Variants in NGEF observed in about 807,000 individuals in gnomAD.
The protein encoded by NGEF is ephexin-1.
NGEF carries 31 observed loss-of-function variants against 80.9 expected under a neutral mutation model. The ratio of observed to expected loss-of-function variants is 0.38; its 90% CI spans 0.29 to 0.52. The LOEUF (loss-of-function observed/expected upper bound fraction) is 0.52. Among genes scored for constraint, NGEF ranks in the 20% least tolerant of loss-of-function variants. NGEF has a pLI of 0.84. For missense variants in NGEF, 709 were observed against 926.2 expected, an observed-to-expected ratio of 0.77 and a Z score of 3.04; for synonymous variants, 371 against 370.2, an observed-to-expected ratio of 1.00 and a Z score of -0.03.
At chr2:232,968,685 A>C (rs1248376638) in intron 3 of NGEF, among the ~76,000 whole-genome samples, 3 of 151,450 alleles carry the variant, frequency 2.0e-5, no homozygotes, top group Admixed American at 6.6e-5. Context: ...GATTATAGGC[A>C]TGAGCCACTG....
At chr2:232,959,270 TC>T (rs1693896006) in intron 3 of NGEF, among the ~76,000 whole-genome samples, 1 of 145,294 alleles carries the variant, frequency 6.9e-6, no homozygotes, top group Non-Finnish European at 1.5e-5. Flanking sequence ...TGTTCCTCTC[TC>T]CCCGGTGTTT....
At chr2:232,944,726 A>AAT (rs57851903) in intron 3 of NGEF, among the ~76,000 whole-genome samples, 2,056 of 108,406 alleles carry the variant, frequency 0.019, 46 homozygotes, top group Admixed American at 0.036. Context: ...GACTTTTCCG[A>AAT]ATATATATAT....
Position 232,883,438 on chromosome 2 carries a change from G to A in NGEF, c.1630C>T (p.Pro544Ser), listed in dbSNP as rs1296559031. The change falls in exon 12 of 15, where the codon CCG (proline) becomes TCG (serine). Residue 544 changes from proline to serine, a missense_variant. Physicochemically the swap from Pro to Ser is moderately conservative, Grantham distance 74. Transcript: ENST00000264051. ...TCCTCCACACGCAGCAGTCCCCGCG[G>A]AGCTGAGTCAAATACCTGGTACTTG... Reference protein sequence around the residue: ...GDKYQVFDSAPRGLLRVEELE... With the variant: ...GDKYQVFDSASRGLLRVEELE... The A allele has an allele frequency of 6.2e-6, 10 of 1,607,192 alleles. No homozygotes were observed. The highest frequency in any genetic ancestry group is 8.5e-6 in the Non-Finnish European group (10 of 1,177,060).
rs546468122 is a variant in NGEF, at chr2:232,990,411, A to C, written c.-74-15447T>G. Among the ~76,000 whole-genome samples, 229 of 152,232 alleles carry C rather than the reference A, an allele frequency of 1.5e-3. 2 individuals are homozygous for C. Among genetic ancestry groups the C allele is most frequent in the Non-Finnish European group, 2.7e-3 (186 of 67,970 alleles). ...GCATGAGTTTTTCTTGGATGGGAAA[A>C]TGGAATATTAAAAATATATCAGTTA... On this transcript the variant is annotated intron_variant, in intron 1 of 14. Transcript: ENST00000264051.
chr2:232,880,882 C>G (rs1691479432), intron 14 of NGEF, among the ~76,000 whole-genome samples: 1 of 151,878 alleles, frequency 6.6e-6, no homozygotes, highest in Admixed American at 6.6e-5. Context: ...CCCGCTTGGG[C>G]TGGGCCCACT....
intron 3 of NGEF, among the ~76,000 whole-genome samples, chr2:232,959,160 C>T (rs975856903): frequency 6.6e-6 from 1 of 152,108 alleles, no homozygotes; most frequent in Non-Finnish European, 1.5e-5. Flanking sequence ...TAATTGCTTC[C>T]TTTCTTTCTT....
intron 5 of NGEF, chr2:232,905,671 G>C (rs1043464000): frequency 5.1e-5 from 19 of 375,808 alleles, no homozygotes; most frequent in African/African-American, 8.9e-5. Context: ...GCCTCTTCCC[G>C]GCCGCCATCC....
intron 1 of NGEF, among the ~76,000 whole-genome samples, chr2:233,006,060 G>T (rs13409695): frequency 2.0e-5 from 3 of 152,098 alleles, no homozygotes; most frequent in Admixed American, 6.5e-5. Context: ...CAAGTGATCC[G>T]CCCACCTTGG....
rs1430948656 is a variant in NGEF at position 232,879,200 on chromosome 2, C to G, written c.*289G>C. On this transcript the variant is annotated 3_prime_UTR_variant, in exon 15 of 15. Coordinates refer to ENST00000264051, the MANE Select transcript of NGEF (RefSeq NM_019850.3). ...GGGGCATGGGGGGCCCTGGAGTGTG[C>G]CCACCCCCTTCCACCCCCTCGGAGG... The G allele has an allele frequency of 3.1e-6, 1 of 327,014 alleles. No homozygotes were observed. Among genetic ancestry groups the G allele is most frequent in the East Asian group, 5.2e-5 (1 of 19,202 alleles). The allele number at this position is 327,014 out of a possible 1,614,324, so 20.3% of individuals were successfully genotyped here. A position where few individuals can be genotyped will look rare whatever the true frequency, so the allele number is the denominator to read the frequency against.
At chr2:232,888,313 C>T (rs916304694) in intron 8 of NGEF, among the ~76,000 whole-genome samples, 1 of 151,662 alleles carries the variant, frequency 6.6e-6, no homozygotes, top group African/African-American at 2.4e-5. Flanking sequence ...TACATGCTCG[C>T]ACACACATGC....
chr2:232,940,424 G>A (rs1693414377), intron 3 of NGEF, among the ~76,000 whole-genome samples: 1 of 152,108 alleles, frequency 6.6e-6, no homozygotes, highest in African/African-American at 2.4e-5. Flanking sequence ...CCTTTCAGAG[G>A]GCAGTCTGAC....
At chr2:232,944,339 G>A (rs1693505209) in intron 3 of NGEF, among the ~76,000 whole-genome samples, 1 of 152,188 alleles carries the variant, frequency 6.6e-6, no homozygotes, top group African/African-American at 2.4e-5. Flanking sequence ...CACACACTCT[G>A]AAATAAGAAA....
chr2:232,970,879 G>C (rs969565582), intron 2 of NGEF, among the ~76,000 whole-genome samples: 5 of 152,020 alleles, frequency 3.3e-5, no homozygotes, highest in African/African-American at 1.2e-4. Flanking sequence ...GTAGTCAGTG[G>C]AAAAAAAGAT....
Position 232,878,821 on chromosome 2 carries a change from G to A in NGEF, c.*668C>T, listed in dbSNP as rs1691380615. 1 of 152,628 alleles carries A rather than the reference G, an allele frequency of 6.6e-6. No individual in the cohort carries two copies. Among genetic ancestry groups the A allele is most frequent in the Admixed American group, 6.5e-5 (1 of 15,288 alleles). 9.5% of individuals were successfully genotyped at this position (152,628 alleles called of 1,614,324 possible). A position where few individuals can be genotyped will look rare whatever the true frequency, so the allele number is the denominator to read the frequency against. On this transcript the variant is annotated 3_prime_UTR_variant, in exon 15 of 15. Transcript: ENST00000264051. The stretch of plus-strand genomic sequence containing the variant: ...TCCTTAAAACACCTGGGCTCCTTAA[G>A]GGGCTAGAAGACACAAGTTACATCC...
intron 8 of NGEF, among the ~76,000 whole-genome samples, chr2:232,888,372 C>CA (rs5839454): frequency 0.62 from 94,659 of 151,900 alleles, 29,767 homozygotes; most frequent in African/African-American, 0.67. Flanking sequence ...CACATGCACA[C>CA]CGTGTAGAAA....
chr2:232,957,534 G>A (rs1203249313), intron 3 of NGEF, among the ~76,000 whole-genome samples: 1 of 152,154 alleles, frequency 6.6e-6, no homozygotes, highest in Non-Finnish European at 1.5e-5. Flanking sequence ...TGTTAGCCAG[G>A]GTGGTCTTGA....
At chr2:232,999,843 T>C (rs1260932830) in intron 1 of NGEF, among the ~76,000 whole-genome samples, 1 of 152,244 alleles carries the variant, frequency 6.6e-6, no homozygotes, top group Admixed American at 6.5e-5. Context: ...TGAATTCTAG[T>C]CATTGGGTCA....
intron 1 of NGEF, among the ~76,000 whole-genome samples, chr2:232,981,038 C>G (rs969685172): frequency 5.3e-5 from 8 of 151,484 alleles, no homozygotes; most frequent in African/African-American, 1.7e-4. Flanking sequence ...TGCCATCTCT[C>G]GCTATCGTCT....
chr2:232,880,069 T>A (rs1309900277), intron 14 of NGEF, among the ~76,000 whole-genome samples: 1 of 151,476 alleles, frequency 6.6e-6, no homozygotes, highest in South Asian at 2.1e-4. Context: ...TGGCGTGGAC[T>A]GTGTCATTCA....
Sources: allele counts gnomAD v4.1 joint callset (sites outside exome capture counted in the v4.1 genomes callset), GRCh38; gene constraint gnomAD v4.1.1; transcripts MANE v1.5; gene names NCBI Gene and HGNC (gene_info 2026-07-23, HGNC 2026-07-21).